Variants in SORCS1 observed in about 807,000 individuals in gnomAD.
SORCS1 encodes the protein VPS10 domain-containing receptor SorCS1.
SORCS1 carries 60 observed loss-of-function variants against 146.1 expected under a neutral mutation model. The observed-to-expected ratio is 0.41, with a 90% CI of 0.33 to 0.51. The LOEUF (loss-of-function observed/expected upper bound fraction) is 0.51. SORCS1 is among the 20% of genes least tolerant of loss of function. The pLI, the probability that SORCS1 is intolerant of heterozygous loss-of-function variation, is 0.21. For synonymous variants in SORCS1, 637 were observed against 584.0 expected (o/e 1.09, Z -1.31); for missense variants, 1,352 against 1,487.6 (o/e 0.91, Z 1.50).
intron 1 of SORCS1, among the ~76,000 whole-genome samples, chr10:106,959,452 C>T (rs1025390723): frequency 2.6e-5 from 4 of 152,116 alleles, no homozygotes; most frequent in South Asian, 4.2e-4. Context: ...TATTACTGAA[C>T]AACGATGCAT....
At chr10:106,936,667 C>T (rs1007367497) in intron 2 of SORCS1, among the ~76,000 whole-genome samples, 1 of 152,148 alleles carries the variant, frequency 6.6e-6, no homozygotes, top group Non-Finnish European at 1.5e-5. Flanking sequence ...CTCTGATTTC[C>T]TCCAAAGATC....
intron 24 of SORCS1, among the ~76,000 whole-genome samples, chr10:106,582,126 C>G (rs1206379116): frequency 6.9e-6 from 1 of 144,204 alleles, no homozygotes; most frequent in Non-Finnish European, 1.5e-5. Context: ...TGCATGCACA[C>G]ACACAAACAC....
chr10:107,074,816 T>C (rs1013001642), intron 1 of SORCS1, among the ~76,000 whole-genome samples: 1 of 152,224 alleles, frequency 6.6e-6, no homozygotes, highest in African/African-American at 2.4e-5. Context: ...GCATTTTTTT[T>C]CATATCCTTA....
At chr10:107,109,629 A>C (rs2134444626) in intron 1 of SORCS1, among the ~76,000 whole-genome samples, 1 of 152,216 alleles carries the variant, frequency 6.6e-6, no homozygotes, top group African/African-American at 2.4e-5. Context: ...TCTCTGAAAT[A>C]CCTTTTCCCC....
intron 18 of SORCS1, among the ~76,000 whole-genome samples, chr10:106,632,814 C>T (rs898829524): frequency 3.3e-5 from 5 of 152,042 alleles, no homozygotes; most frequent in African/African-American, 9.7e-5. Context: ...ACTGGAGAGC[C>T]GATCTGATTG....
At chr10:107,102,302 C>T (rs1052093511) in intron 1 of SORCS1, among the ~76,000 whole-genome samples, 7 of 152,136 alleles carry the variant, frequency 4.6e-5, no homozygotes, top group African/African-American at 1.7e-4. Flanking sequence ...AAACGTATGG[C>T]CCTTCTCATG....
At chr10:106,928,387 G>C (rs531406258) in intron 2 of SORCS1, among the ~76,000 whole-genome samples, 10 of 152,212 alleles carry the variant, frequency 6.6e-5, no homozygotes, top group Non-Finnish European at 1.3e-4. Flanking sequence ...AGGCTGCTCC[G>C]AGTGCGGGGC....
chr10:106,798,737 G>T lies in SORCS1; in HGVS notation c.727-22045C>A, dbSNP rs531542722. Among the ~76,000 whole-genome samples, 12 of 152,210 alleles carry T rather than the reference G, an allele frequency of 7.9e-5. No individual in the cohort carries two copies. The East Asian group carries it at 1.7e-3, about 22-fold the overall frequency. Reference sequence around the variant, plus strand: ...AGTCTTTGCTATTGTGAATAGTGCCGCAATAAACATACGTATGCATGTGTC... The same window carrying T: ...AGTCTTTGCTATTGTGAATAGTGCCTCAATAAACATACGTATGCATGTGTC... On this transcript the variant is annotated intron_variant, in intron 3 of 25. Transcript: ENST00000263054.
chr10:107,009,118 CA>C (rs1262216401), intron 1 of SORCS1, among the ~76,000 whole-genome samples: 1 of 151,624 alleles, frequency 6.6e-6, no homozygotes, highest in East Asian at 1.9e-4. Context: ...CACGTCGATG[CA>C]AAAAAAATTC....
intron 23 of SORCS1, among the ~76,000 whole-genome samples, chr10:106,604,059 A>C (rs774557646): frequency 4.6e-5 from 7 of 152,150 alleles, no homozygotes; most frequent in Non-Finnish European, 1.0e-4. Context: ...TGGGTTGATA[A>C]ACTGGCTAAA....
At position 106,970,381 on chromosome 10, in the gene SORCS1, C is replaced by T. The variant is rs540082700; in HGVS notation, c.559-13801G>A. Among the ~76,000 whole-genome samples, 152 of 132,384 alleles carry T rather than the reference C, an allele frequency of 1.1e-3. 1 individual carries two copies. Among genetic ancestry groups the T allele is most frequent in the African/African-American group, 4.6e-3 (141 of 30,776 alleles). 86.8% of individuals were successfully genotyped at this position (132,384 alleles called of 152,430 possible). ...GAGATGGAGTTTCACTCTTGTCTCC[C>T]AGGCTGGAGTGCAGTGGCGTGATCC... On this transcript the variant is annotated intron_variant, in intron 1 of 25. Transcript: ENST00000263054.
At chr10:106,921,187 A>G (rs1329901221) in intron 2 of SORCS1, among the ~76,000 whole-genome samples, 1 of 152,138 alleles carries the variant, frequency 6.6e-6, no homozygotes, top group Non-Finnish European at 1.5e-5. Context: ...ATACAGGTAA[A>G]GCTCTCTTGA....
At chr10:106,862,648 A>G (rs1387311601) in intron 2 of SORCS1, among the ~76,000 whole-genome samples, 1 of 152,130 alleles carries the variant, frequency 6.6e-6, no homozygotes, top group Non-Finnish European at 1.5e-5. Flanking sequence ...AATAGTTTTC[A>G]TATAATAAAA....
intron 19 of SORCS1, among the ~76,000 whole-genome samples, chr10:106,621,585 G>T (rs1248175788): frequency 2.0e-5 from 3 of 151,474 alleles, no homozygotes; most frequent in African/African-American, 7.3e-5. Flanking sequence ...CCCTTTCTGG[G>T]CTCTAGACTC....
Position 106,829,648 on chromosome 10 carries a change from C to G in SORCS1, c.652G>C (p.Glu218Gln). 6.2e-7 allele frequency: 1 copy of G among 1,607,108 alleles called. No individual in the cohort carries two copies. The highest frequency in any genetic ancestry group is 1.1e-5 in the South Asian group (1 of 90,690). ...WRSTDYGTTY[E>Q]KLNDKVGLKT... is the part of the protein sequence containing the mutation. ...AAACCAACTTTATCATTCAGCTTCT[C>G]ATAGGTTGTTCCATAATCGGTTGAC... The change falls in exon 3 of 26, where the codon GAG (glutamate) becomes CAG (glutamine). Residue 218 changes from glutamate (E) to glutamine (Q), a missense_variant. Around this residue, in one of 3 missense-constraint regions of SORCS1, gnomAD observed 490 missense variants for 489.1 expected, o/e 1.00. Coordinates refer to ENST00000263054, the MANE Select transcript of SORCS1 (RefSeq NM_052918.5).
intron 2 of SORCS1, among the ~76,000 whole-genome samples, chr10:106,871,558 G>T (rs113450511): frequency 1.3e-5 from 2 of 152,194 alleles, no homozygotes; most frequent in African/African-American, 4.8e-5. Flanking sequence ...ATGCTATACA[G>T]CCATCAAAAA....
chr10:106,944,420 C>T (rs1954205405), intron 2 of SORCS1, among the ~76,000 whole-genome samples: 1 of 152,174 alleles, frequency 6.6e-6, no homozygotes, highest in African/African-American at 2.4e-5. Flanking sequence ...TAGTCTAATT[C>T]CTACTCCTTC....
chr10:106,735,652 T>C (rs1362881007), intron 5 of SORCS1, among the ~76,000 whole-genome samples: 1 of 152,178 alleles, frequency 6.6e-6, no homozygotes, highest in African/African-American at 2.4e-5. Flanking sequence ...TATGTATCTA[T>C]TGTAAGTCAA....
At chr10:106,853,079 C>G (rs1192234707) in intron 2 of SORCS1, among the ~76,000 whole-genome samples, 1 of 152,146 alleles carries the variant, frequency 6.6e-6, no homozygotes, top group Middle Eastern at 3.2e-3. Context: ...TGGGAAAATT[C>G]ACCAGTGAAC....
Sources: gnomAD v4.1 joint callset for allele counts (sites outside exome capture counted in the v4.1 genomes callset) on GRCh38, gnomAD v4.1.1 for gene constraint, gnomAD v4.1.1 regional missense constraint, MANE v1.5 for transcripts, NCBI Gene and HGNC (gene_info 2026-07-23, HGNC 2026-07-21) for gene names.